FGF14: variants seen among roughly 807,000 people sequenced by gnomAD.
The protein encoded by FGF14 is fibroblast growth factor 14, also known as fibroblast growth factor homologous factor 4.
In FGF14, 5 loss-of-function variants were observed where a neutral mutation model predicts 25.5. The observed-to-expected ratio is 0.20, with a 90% confidence interval of 0.10 to 0.41. The LOEUF is 0.41. Among genes scored for constraint, FGF14 ranks in the 10% least tolerant of loss-of-function variants. The pLI, the probability that FGF14 is intolerant of heterozygous loss-of-function variation, is 1.00. For missense variants in FGF14, 222 were observed against 320.1 expected, an observed-to-expected ratio of 0.69 and a Z score of 2.34; for synonymous variants, 138 against 118.3, an observed-to-expected ratio of 1.17 and a Z score of -1.08.
intron 1 of FGF14, among the ~76,000 whole-genome samples, chr13:101,956,044 A>G (rs2139425025): frequency 6.6e-6 from 1 of 152,332 alleles, no homozygotes; most frequent in South Asian, 2.1e-4. Context: ...AATATAAGGA[A>G]GAAACAAAGT....
At chr13:102,276,604 T>C (rs1206070480) in intron 1 of FGF14, among the ~76,000 whole-genome samples, 3 of 152,180 alleles carry the variant, frequency 2.0e-5, no homozygotes, top group East Asian at 3.9e-4. Flanking sequence ...CTTTGGTGCA[T>C]TATTCAACTT....
chr13:101,883,640 T>C (rs1594598947), intron 1 of FGF14, among the ~76,000 whole-genome samples: 1 of 152,142 alleles, frequency 6.6e-6, no homozygotes, highest in Non-Finnish European at 1.5e-5. Context: ...GTAAGAATAA[T>C]AGCTATCATT....
chr13:102,131,718 C>G (rs567763104), intron 1 of FGF14, among the ~76,000 whole-genome samples: 2 of 152,226 alleles, frequency 1.3e-5, no homozygotes, highest in Admixed American at 6.5e-5. Context: ...TTTATGTTTT[C>G]TTTTTAATCT....
At chr13:102,008,129 A>G (rs2139782558) in intron 1 of FGF14, among the ~76,000 whole-genome samples, 1 of 152,294 alleles carries the variant, frequency 6.6e-6, no homozygotes, top group Admixed American at 6.5e-5. Context: ...CACTATAATG[A>G]TCGCCAAGAG....
At chr13:102,308,092 T>C (rs1045958914) in intron 1 of FGF14, among the ~76,000 whole-genome samples, 8 of 152,088 alleles carry the variant, frequency 5.3e-5, no homozygotes, top group African/African-American at 1.9e-4. Flanking sequence ...GCATCAACAA[T>C]GTGTGGCTAC....
chr13:101,716,704 C>G lies in FGF14; in HGVS notation c.*6127G>C, dbSNP rs2034736204. ...TACTTTTTTTTCTAAGGATACCTTA[C>G]TTACTGGAAACCTGGGGTCATGCAA... On this transcript the variant is annotated 3_prime_UTR_variant, in exon 5 of 5. Coordinates refer to ENST00000376143, the MANE Select transcript of FGF14 (RefSeq NM_004115.4). The G allele has an allele frequency of 6.7e-6, 1 of 149,658 alleles. No individual in the cohort carries two copies. The highest frequency in any genetic ancestry group is 1.5e-5 in the Non-Finnish European group (1 of 67,608). The allele number at this position is 149,658 out of a possible 1,614,324, so 9.3% of individuals were successfully genotyped here.
At chr13:102,061,435 C>A (rs2042685415) in intron 1 of FGF14, among the ~76,000 whole-genome samples, 1 of 152,180 alleles carries the variant, frequency 6.6e-6, no homozygotes, top group Non-Finnish European at 1.5e-5. Context: ...GAGCCACAGC[C>A]CCATGGCACG....
intron 1 of FGF14, among the ~76,000 whole-genome samples, chr13:102,273,902 C>T (rs1470650742): frequency 7.1e-6 from 1 of 141,710 alleles, no homozygotes; most frequent in Non-Finnish European, 1.5e-5. Context: ...TTGCACCACT[C>T]TACTCCAACC....
chr13:102,033,692 G>T (rs573923241), intron 1 of FGF14, among the ~76,000 whole-genome samples: 4 of 152,136 alleles, frequency 2.6e-5, no homozygotes, highest in African/African-American at 9.7e-5. Context: ...CTGGCACCGA[G>T]TTATATTAGG....
chr13:102,078,120 G>A (rs1342633723), intron 1 of FGF14, among the ~76,000 whole-genome samples: 1 of 152,106 alleles, frequency 6.6e-6, no homozygotes, highest in African/African-American at 2.4e-5. Flanking sequence ...TAATAATAGT[G>A]GTTTCCAGGG....
intron 4 of FGF14, among the ~76,000 whole-genome samples, chr13:101,726,218 C>T (rs890295205): frequency 6.6e-6 from 1 of 152,014 alleles, no homozygotes; most frequent in Non-Finnish European, 1.5e-5. Flanking sequence ...ATTCCACGCT[C>T]AAAACTTATT....
rs142597536 is a variant in FGF14, at chr13:102,315,444, C to A, written c.208+86027G>T. On this transcript the variant is annotated intron_variant, in intron 1 of 4. Coordinates refer to the FGF14 transcript ENST00000376131. ...AGGCAATGCCTGTAACATTTCACTG[C>A]ATTTTTTGCGGGCCTCTTTTACTTG... Among the ~76,000 whole-genome samples the A allele has an allele frequency of 6.4e-3, 973 of 152,262 alleles. 12 individuals are homozygous for A. Among genetic ancestry groups the A allele is most frequent in the African/African-American group, 0.022 (934 of 41,558 alleles).
intron 1 of FGF14, among the ~76,000 whole-genome samples, chr13:102,275,834 A>C (rs1192695285): frequency 6.6e-6 from 1 of 152,166 alleles, no homozygotes; most frequent in African/African-American, 2.4e-5. Context: ...GCAAAAAGGA[A>C]CAGTTATTTA....
intron 1 of FGF14, among the ~76,000 whole-genome samples, chr13:101,875,838 A>G (rs2045358971): frequency 6.6e-6 from 1 of 152,164 alleles, no homozygotes; most frequent in Admixed American, 6.6e-5. Context: ...AAACCCCTGG[A>G]TGTGTGAAGG....
At chr13:102,177,995 CCT>C (rs202207268) in intron 1 of FGF14, among the ~76,000 whole-genome samples, 1,616 of 152,144 alleles carry the variant, frequency 0.011, 17 homozygotes, top group Non-Finnish European at 0.015. Context: ...CCAAACCTCC[CCT>C]GACCACAGCA....
intron 1 of FGF14, among the ~76,000 whole-genome samples, chr13:102,101,834 A>C (rs1486919023): frequency 2.0e-5 from 3 of 152,080 alleles, no homozygotes; most frequent in Non-Finnish European, 2.9e-5. Context: ...CTTCCTGAGT[A>C]GCTGGAATTA....
chr13:102,200,867 A>C (rs7997442), intron 1 of FGF14, among the ~76,000 whole-genome samples: 17,448 of 151,856 alleles, frequency 0.11, 2,095 homozygotes, highest in African/African-American at 0.3. Flanking sequence ...CATTGGGAGG[A>C]CAAGGCGGGC....
chr13:102,203,183 T>A (rs928738752), intron 1 of FGF14, among the ~76,000 whole-genome samples: 7 of 152,240 alleles, frequency 4.6e-5, no homozygotes, highest in Non-Finnish European at 7.3e-5. Flanking sequence ...TTTGTCTTCT[T>A]AATTATGTTT....
At chr13:102,099,011 G>A (rs1263114687) in intron 1 of FGF14, among the ~76,000 whole-genome samples, 1 of 152,148 alleles carries the variant, frequency 6.6e-6, no homozygotes, top group African/African-American at 2.4e-5. Flanking sequence ...CAGGCAGGAA[G>A]GAAGCCTCTA....
Sources: gnomAD v4.1 joint callset for allele counts (sites outside exome capture counted in the v4.1 genomes callset) on GRCh38, gnomAD v4.1.1 for gene constraint, MANE v1.5 for transcripts, NCBI Gene and HGNC (gene_info 2026-07-23, HGNC 2026-07-21) for gene names.